Variants in IL18RAP observed in about 807,000 individuals in gnomAD.
IL18RAP encodes interleukin 18 receptor accessory protein, also known as interleukin-18 receptor accessory protein.
A neutral mutation model predicts 58.1 loss-of-function variants in IL18RAP; 37 were observed. The ratio of observed to expected loss-of-function variants is 0.64; its 90% confidence interval spans 0.49 to 0.84. The LOEUF is 0.84. Ranked by LOEUF, IL18RAP falls within the 40% of genes least tolerant of loss-of-function variation. The pLI, the probability that IL18RAP is intolerant of heterozygous loss-of-function variation, is 0.00. For synonymous variants in IL18RAP, 268 were observed against 257.5 expected (o/e 1.04, Z -0.39); for missense variants, 667 against 704.8 (o/e 0.95, Z 0.61).
rs371728977 is a variant in IL18RAP at position 102,423,801 on chromosome 2, T to C, written c.71-10T>C. 30 of 1,593,434 alleles carry C rather than the reference T, an allele frequency of 1.9e-5. No individual in the cohort carries two copies. Among genetic ancestry groups the C allele is most frequent in the African/African-American group, 6.7e-5 (5 of 74,276 alleles). ...GTGTTTCCATGTGCTTTGTTTATTA[T>C]GATTTTCAGGTTGTTCCACAAAAAA... On this transcript the variant is annotated splice_polypyrimidine_tract_variant and intron_variant, in intron 1 of 9. Transcript: ENST00000687160.
intron 4 of IL18RAP, among the ~76,000 whole-genome samples, chr2:102,438,487 G>C (rs928260147): frequency 1.3e-5 from 2 of 152,116 alleles, no homozygotes; most frequent in African/African-American, 4.8e-5. Context: ...TATATTATTA[G>C]ATTGCTTCTT....
chr2:102,443,442 T>C (rs1683226971), intron 6 of IL18RAP, 119 bp downstream of exon 6: 2 of 1,205,618 alleles, frequency 1.7e-6, no homozygotes, highest in South Asian at 1.4e-5. Flanking sequence ...GTGGTGAAAA[T>C]AAAAGCACAA....
At chr2:102,439,342 A>C (rs1284536440) in intron 4 of IL18RAP, 1 of 152,248 alleles carries the variant, frequency 6.6e-6, no homozygotes, top group African/African-American at 2.4e-5. Context: ...GAGGGAATGG[A>C]GAGAAGTGGA....
chr2:102,441,518 A>C, intron 5 of IL18RAP, 141 bp downstream of exon 5: 1 of 638,348 alleles, frequency 1.6e-6, no homozygotes, highest in East Asian at 2.9e-5. Context: ...TAGTTTTGTG[A>C]CTTTGCACAG....
At chr2:102,421,391 T>C (rs1190392206), upstream of IL18RAP, among the ~76,000 whole-genome samples, 1 of 152,208 alleles carries the variant, frequency 6.6e-6, no homozygotes, top group Non-Finnish European at 1.5e-5. Flanking sequence ...CTCTGGAATC[T>C]GTGCTTCATC....
rs893207746 is a variant in IL18RAP, at chr2:102,436,009, C to T, written c.580-1203C>T. Among the ~76,000 whole-genome samples, 10 of 152,286 alleles carry T rather than the reference C, an allele frequency of 6.6e-5. No homozygotes were observed. In the South Asian group the frequency reaches 1.2e-3, roughly 19 times the overall value. ...GCAGCTGCATTAGCCTCTCTTTGTC[C>T]TATGAGGATTAACTGTAATTGTATT... is the stretch of plus-strand genomic sequence containing the variant. On this transcript the variant is annotated intron_variant, in intron 3 of 9. Coordinates refer to ENST00000687160, the MANE Select transcript of IL18RAP (RefSeq NM_001393487.1).
chr2:102,449,504 G>T (rs928630673), intron 8 of IL18RAP, among the ~76,000 whole-genome samples: 2 of 152,058 alleles, frequency 1.3e-5, no homozygotes, highest in African/African-American at 4.8e-5. Context: ...TTTCTATTTT[G>T]CAAAGACAAT....
chr2:102,434,530 C>A (rs1192764762), intron 3 of IL18RAP: 1 of 152,146 alleles, frequency 6.6e-6, no homozygotes, highest in African/African-American at 2.4e-5. Context: ...TATGTTCTCC[C>A]TCAAGCCCCT....
intron 9 of IL18RAP, among the ~76,000 whole-genome samples, chr2:102,451,410 A>T (rs1245554411): frequency 6.6e-6 from 1 of 152,198 alleles, no homozygotes; most frequent in East Asian, 1.9e-4. Context: ...CACGCCCTGG[A>T]CACCCTGAGA....
chr2:102,437,570 G>A (rs1475160343), intron 4 of IL18RAP, among the ~76,000 whole-genome samples: 4 of 152,106 alleles, frequency 2.6e-5, no homozygotes, highest in Non-Finnish European at 5.9e-5. Context: ...TCACAAGTTG[G>A]GTTGTCCATG....
chr2:102,420,175 T>A (rs751936409), upstream of IL18RAP, among the ~76,000 whole-genome samples: 8 of 152,188 alleles, frequency 5.3e-5, no homozygotes, highest in Non-Finnish European at 1.0e-4. Context: ...GTTGGTCAGT[T>A]GCCTACAATG....
chr2:102,447,712 A>T (rs906304773), intron 8 of IL18RAP, among the ~76,000 whole-genome samples: 1 of 142,414 alleles, frequency 7.0e-6, no homozygotes, highest in Non-Finnish European at 1.5e-5. Context: ...TCATTTATGT[A>T]TGTATGTATG....
chr2:102,451,743 A>G (rs754393247), intron 9 of IL18RAP, 23 bp from the exon 10 acceptor site: 5 of 1,585,014 alleles, frequency 3.2e-6, no homozygotes, highest in Non-Finnish European at 4.3e-6. Flanking sequence ...TCCATTGCAA[A>G]TAATCAAATG....
chr2:102,439,399 G>A lies in IL18RAP; in HGVS notation c.731-1913G>A, dbSNP rs115725707. 396 of 152,858 alleles carry A rather than the reference G, an allele frequency of 2.6e-3. 2 individuals are homozygous for A. Among genetic ancestry groups the A allele is most frequent in the Non-Finnish European group, 3.1e-3 (209 of 68,490 alleles). 9.5% of individuals were successfully genotyped at this position (152,858 alleles called of 1,614,324 possible). ...GGTACATTTAAAGGATTTGGTGTTC[G>A]GGAGCAAGGAAGAGGGAAAGCAGGA... On this transcript the variant is annotated intron_variant, in intron 4 of 9. Transcript: ENST00000687160.
chr2:102,424,831 C>T (rs1681833059), intron 3 of IL18RAP, among the ~76,000 whole-genome samples: 1 of 152,168 alleles, frequency 6.6e-6, no homozygotes, highest in African/African-American at 2.4e-5. Context: ...GAAATACATT[C>T]CCAAAAGACA....
chr2:102,450,787 A>G (rs564521191), intron 8 of IL18RAP, 61 bp from the exon 9 acceptor site: 1 of 1,065,152 alleles, frequency 9.4e-7, no homozygotes. Context: ...ATGTATGTGT[A>G]CCATAACAGT....
At chr2:102,433,574 G>A (rs949447519) in intron 3 of IL18RAP, among the ~76,000 whole-genome samples, 3 of 150,966 alleles carry the variant, frequency 2.0e-5, no homozygotes, top group African/African-American at 7.3e-5. Context: ...TTGTCGCCTA[G>A]GCTAGAGCGC....
chr2:102,421,983 G>T (rs1041529075), upstream of IL18RAP, among the ~76,000 whole-genome samples: 1 of 151,544 alleles, frequency 6.6e-6, no homozygotes, highest in Admixed American at 6.6e-5. Flanking sequence ...CATTCCCCTC[G>T]CAGTGGAATC....
upstream of IL18RAP, among the ~76,000 whole-genome samples, chr2:102,422,010 C>T (rs904368836): frequency 1.3e-5 from 2 of 151,704 alleles, no homozygotes; most frequent in South Asian, 4.1e-4. Context: ...AAGGCCCTCT[C>T]ATCTCCAGAA....
Sources: allele counts gnomAD v4.1 joint callset (sites outside exome capture counted in the v4.1 genomes callset), GRCh38; gene constraint gnomAD v4.1.1; transcripts MANE v1.5; gene names NCBI Gene and HGNC (gene_info 2026-07-23, HGNC 2026-07-21).